The following RBM22 variants were observed in gnomAD, a reference collection of about 807,000 sequenced individuals.
RBM22 encodes RNA binding motif protein 22.
In RBM22, 1 loss-of-function variant was observed where a neutral mutation model predicts 50.1. The observed-to-expected ratio is 0.02, with a 90% CI of 0.01 to 0.09. The LOEUF (loss-of-function observed/expected upper bound fraction) is 0.09, where lower values mean the gene tolerates loss of function less well. Ranked by LOEUF, RBM22 falls within the 10% of genes least tolerant of loss-of-function variation. The pLI is 1.00. For synonymous variants in RBM22, 152 were observed against 179.0 expected, an observed-to-expected ratio of 0.85 and a Z score of 1.20; for missense variants, 264 against 529.3, an observed-to-expected ratio of 0.50 and a Z score of 4.92.
intron 4 of RBM22, among the ~76,000 whole-genome samples, chr5:150,698,054 C>T (rs370097267): frequency 3.6e-4 from 55 of 152,074 alleles, no homozygotes; most frequent in South Asian, 2.3e-3. Flanking sequence ...CCCAGGAGTT[C>T]GAAGTTGCAG....
Position 150,695,692 on chromosome 5 carries a change from G to A in RBM22, c.560C>T (p.Thr187Ile), listed in dbSNP as rs1759267169. The A allele has an allele frequency of 3.1e-6, 5 of 1,609,894 alleles. No individual in the cohort carries two copies. Among genetic ancestry groups the A allele is most frequent in the Non-Finnish European group, 3.4e-6 (4 of 1,178,390 alleles). ...ATCAGCAAGGGGGTCATCTGGATCTGTAGGCTTCTCATGTCTATGATTCAA... is the reference window on the plus strand; with the variant it reads ...ATCAGCAAGGGGGTCATCTGGATCTATAGGCTTCTCATGTCTATGATTCAA... ...EECPYRHEKPTDPDDPLADQN... is the reference protein window; with the variant it reads ...EECPYRHEKPIDPDDPLADQN... Residue 187 changes from threonine (T) to isoleucine (I), a missense_variant, in exon 7 of 11, where the codon ACA (threonine) becomes ATA (isoleucine). Transcript: ENST00000199814.
Position 150,691,893 on chromosome 5 carries a change from A to G in RBM22, c.1133-12T>C. On this transcript the variant is annotated splice_polypyrimidine_tract_variant and intron_variant, in intron 10 of 10. Transcript: ENST00000199814. Reference sequence around the variant, plus strand: ...GTGTGGCCCAAAACCTGCAGATACGAGAGAACAAATGTGTTAGGCTGGTAG... The same window carrying G: ...GTGTGGCCCAAAACCTGCAGATACGGGAGAACAAATGTGTTAGGCTGGTAG... The G allele has an allele frequency of 6.4e-7, 1 of 1,558,310 alleles. No individual in the cohort carries two copies.
intron 7 of RBM22, 165 bp downstream of exon 7, chr5:150,695,341 C>T (rs749208820): frequency 1.3e-4 from 85 of 637,740 alleles, no homozygotes; most frequent in Non-Finnish European, 2.0e-4. Context: ...TACTGTGGCA[C>T]CATAAAGGAC....
At chr5:150,693,879 C>G (rs1004629725) in intron 8 of RBM22, among the ~76,000 whole-genome samples, 197 bp downstream of exon 8, 2 of 152,150 alleles carry the variant, frequency 1.3e-5, no homozygotes, top group African/African-American at 4.8e-5. Context: ...ACACCAACCC[C>G]CTGAATACAT....
rs572132382 is a variant in RBM22, at chr5:150,693,127, C to A, written c.1000+92G>T. 3.0e-5 allele frequency: 47 copies of A among 1,543,288 alleles called. No individual in the cohort carries two copies. The South Asian group carries it at 5.2e-4, about 17-fold the overall frequency. On this transcript the variant is annotated intron_variant, in intron 9 of 10. Coordinates refer to ENST00000199814, the MANE Select transcript of RBM22 (RefSeq NM_018047.3). ...CAGAGGTCCTACTGGGAGAGTAGAG[C>A]GGCAACATGAACCAGACCTGGGTCC...
Position 150,691,728 on chromosome 5 carries a change from A to G in RBM22, c.*23T>C, listed in dbSNP as rs1304911272. The G allele has an allele frequency of 6.7e-7, 1 of 1,490,194 alleles. No individual in the cohort carries two copies. The highest frequency in any genetic ancestry group is 1.4e-5 in the South Asian group (1 of 69,312). The allele number at this position is 1,490,194 out of a possible 1,614,324, so 92.3% of individuals were successfully genotyped here. A position where few individuals can be genotyped will look rare whatever the true frequency, so the allele number is the denominator to read the frequency against. On this transcript the variant is annotated 3_prime_UTR_variant, in exon 11 of 11. Transcript: ENST00000199814. ...GTTTTAAGTGCCCTTTCTTCCACAG[A>G]GCCCCAGAGTGGTGACAAGGTGCTA...
chr5:150,699,418 A>C, intron 2 of RBM22, 147 bp from the exon 3 acceptor site: 2 of 1,113,542 alleles, frequency 1.8e-6, no homozygotes, highest in Non-Finnish European at 1.2e-6. Context: ...AAAACCCAAA[A>C]CCCAACCTTT....
intron 6 of RBM22, 31 bp from the exon 7 acceptor site, chr5:150,695,737 G>A (rs1759268097): frequency 1.3e-6 from 2 of 1,545,614 alleles, no homozygotes; most frequent in Non-Finnish European, 8.9e-7. Context: ...AAGGCATAAA[G>A]GTGAAACGAA....
intron 4 of RBM22, among the ~76,000 whole-genome samples, chr5:150,698,050 A>T (rs552577112): frequency 6.6e-6 from 1 of 152,258 alleles, no homozygotes; most frequent in Non-Finnish European, 1.5e-5. Context: ...TGAGCCCAGG[A>T]GTTCGAAGTT....
intron 7 of RBM22, chr5:150,694,765 C>G (rs1008698646): frequency 6.5e-6 from 1 of 152,788 alleles, no homozygotes; most frequent in South Asian, 2.1e-4. Flanking sequence ...CACTTTATCT[C>G]TTTGGAAGAG....
chr5:150,700,221 T>TAA (rs967314912), intron 2 of RBM22, among the ~76,000 whole-genome samples: 3 of 152,310 alleles, frequency 2.0e-5, no homozygotes, highest in Admixed American at 6.5e-5. Context: ...ATTTCCTAGG[T>TAA]AAATGCTCAA....
intron 7 of RBM22, 130 bp from the exon 8 acceptor site, chr5:150,694,370 C>CCGCA: frequency 7.2e-7 from 1 of 1,383,158 alleles, no homozygotes; most frequent in Non-Finnish European, 9.5e-7. Context: ...GCCTAACTAC[C>CCGCA]CGCAGGTCTC....
In RBM22 at chr5:150,691,571, G is replaced by A. The variant is rs984969172; in HGVS notation, c.*180C>T. 7.3e-6 allele frequency: 5 copies of A among 682,488 alleles called. No homozygotes were observed. In the African/African-American group the frequency reaches 7.3e-5, roughly 10 times the overall value. The allele number at this position is 682,488 out of a possible 1,614,324, so 42.3% of individuals were successfully genotyped here. A position where few individuals can be genotyped will look rare whatever the true frequency, so the allele number is the denominator to read the frequency against. On this transcript the variant is annotated 3_prime_UTR_variant, in exon 11 of 11. Coordinates refer to ENST00000199814, the MANE Select transcript of RBM22 (RefSeq NM_018047.3). ...GATGTGTTAATGGCAGCTTATTTAC[G>A]GTCCATCGATCCTTTGAACAAGTAT...
intron 9 of RBM22, 55 bp from the exon 10 acceptor site, chr5:150,693,081 T>C: frequency 6.4e-7 from 1 of 1,566,412 alleles, no homozygotes; most frequent in South Asian, 1.2e-5. Flanking sequence ...TGCAACGCTG[T>C]TTCTACCACC....
intron 1 of RBM22, 141 bp downstream of exon 1, chr5:150,700,791 C>T (rs1282386748): frequency 4.4e-6 from 7 of 1,574,630 alleles, no homozygotes; most frequent in Middle Eastern, 1.7e-4. Flanking sequence ...CGCCCTCCGC[C>T]CTCCTGCTCC....
Position 150,694,387 on chromosome 5 carries a change from A to G in RBM22, c.747-147T>C, listed in dbSNP as rs1432178729. ...CTAACTACCCGCAGGTCTCCACCCC[A>G]TATCTTGTCCTACTGTGGGTGCTGC... On this transcript the variant is annotated intron_variant, in intron 7 of 10. Coordinates refer to ENST00000199814, the MANE Select transcript of RBM22 (RefSeq NM_018047.3). 25 of 1,296,986 alleles carry G rather than the reference A, an allele frequency of 1.9e-5. No individual in the cohort carries two copies. The South Asian group carries it at 2.1e-4, about 11-fold the overall frequency. The allele number at this position is 1,296,986 out of a possible 1,614,324, so 80.3% of individuals were successfully genotyped here.
At chr5:150,692,424 T>C (rs1400364042) in intron 10 of RBM22, among the ~76,000 whole-genome samples, 2 of 152,170 alleles carry the variant, frequency 1.3e-5, no homozygotes, top group African/African-American at 4.8e-5. Flanking sequence ...ATGTAAATTA[T>C]ACGACCAGGC....
chr5:150,693,272 T>C lies in RBM22; in HGVS notation c.947A>G (p.Asp316Gly), dbSNP rs372595175. 3 of 1,614,040 alleles carry C rather than the reference T, an allele frequency of 1.9e-6. No individual in the cohort carries two copies. Among genetic ancestry groups the C allele is most frequent in the African/African-American group, 2.7e-5 (2 of 75,032 alleles). Reference protein sequence around the residue: ...QAARGKEKEKDGTTDSGIKLE... With the variant: ...QAARGKEKEKGGTTDSGIKLE... ...TTTGATCCCAGAGTCTGTAGTTCCA[T>C]CTTTCTCTTTTTCTTTTCCTCTGGC... The change falls in exon 9 of 11, where the codon GAT becomes GGT. Residue 316 changes from aspartate to glycine, a missense_variant. Coordinates refer to ENST00000199814, the MANE Select transcript of RBM22 (RefSeq NM_018047.3).
chr5:150,695,576 G>C lies in RBM22; in HGVS notation c.676C>G (p.Pro226Ala), dbSNP rs1344625561. Residue 226 changes from proline to alanine, a missense_variant, in exon 7 of 11, where the codon CCA becomes GCA. By Grantham distance (27) the Pro-to-Ala change is conservative (BLOSUM62 -1). Coordinates refer to ENST00000199814, the MANE Select transcript of RBM22 (RefSeq NM_018047.3). ...AGTGTGGTGATAGTTTTATCCTCTG[G>C]TGGGTCCAGCCGAGGCATTGTTGAA... is the stretch of plus-strand genomic sequence containing the variant. Reference protein sequence around the residue: ...RASTMPRLDPPEDKTITTLYV... With the variant: ...RASTMPRLDPAEDKTITTLYV... 6.2e-7 allele frequency: 1 copy of C among 1,613,698 alleles called. No homozygotes were observed. Among genetic ancestry groups the C allele is most frequent in the Non-Finnish European group, 8.5e-7 (1 of 1,179,938 alleles).
Sources: gnomAD v4.1 joint callset for allele counts (sites outside exome capture counted in the v4.1 genomes callset) on GRCh38, gnomAD v4.1.1 for gene constraint, MANE v1.5 for transcripts, NCBI Gene and HGNC (gene_info 2026-07-23, HGNC 2026-07-21) for gene names.